The following FNDC3B variants were observed in gnomAD, a reference collection of about 807,000 sequenced individuals.
The protein encoded by FNDC3B is fibronectin type III domain-containing protein 3B.
In FNDC3B, 12 loss-of-function variants were observed where a neutral mutation model predicts 151.5. That is an observed-to-expected ratio of 0.08 (90% CI 0.05 to 0.13). FNDC3B has a LOEUF of 0.13. Ranked by LOEUF, FNDC3B falls within the 10% of genes least tolerant of loss-of-function variation. FNDC3B has a pLI of 1.00. For missense variants in FNDC3B, 1,214 were observed against 1,505.3 expected (o/e 0.81, Z 3.20); for synonymous variants, 528 against 549.0 (o/e 0.96, Z 0.54).
At chr3:172,200,164 CACTT>C (rs2108687437) in intron 3 of FNDC3B, among the ~76,000 whole-genome samples, 2 of 152,312 alleles carry the variant, frequency 1.3e-5, no homozygotes, top group African/African-American at 4.8e-5. Flanking sequence ...TACCCACACT[CACTT>C]AGACTGGACA....
intron 20 of FNDC3B, 135 bp from the exon 21 acceptor site, chr3:172,347,077 G>C: frequency 2.7e-6 from 2 of 739,852 alleles, no homozygotes; most frequent in Non-Finnish European, 4.3e-6. Context: ...ATTTGTGATC[G>C]TGCCTTTCTT....
chr3:172,196,086 A>G (rs1265642873), intron 3 of FNDC3B, among the ~76,000 whole-genome samples: 1 of 152,244 alleles, frequency 6.6e-6, no homozygotes, highest in Non-Finnish European at 1.5e-5. Context: ...TGAAAGGTTT[A>G]GGTACTTGGC....
At chr3:172,358,754 T>C (rs1734217054) in intron 22 of FNDC3B, among the ~76,000 whole-genome samples, 1 of 152,244 alleles carries the variant, frequency 6.6e-6, no homozygotes, top group Non-Finnish European at 1.5e-5. Context: ...TATTAAAAAT[T>C]GGAAAGTGCT....
intron 1 of FNDC3B, among the ~76,000 whole-genome samples, chr3:172,061,459 C>T (rs1462422995): frequency 2.6e-5 from 4 of 152,060 alleles, no homozygotes; most frequent in Non-Finnish European, 5.9e-5. Flanking sequence ...GTCTCGATCT[C>T]CTGACCTCGT....
intron 2 of FNDC3B, among the ~76,000 whole-genome samples, chr3:172,129,576 T>C (rs1720969556): frequency 6.6e-6 from 1 of 152,254 alleles, no homozygotes; most frequent in South Asian, 2.1e-4. Context: ...TTGTATTAAT[T>C]GCAACTCTTG....
At chr3:172,347,779 A>C (rs1733681576) in intron 21 of FNDC3B, among the ~76,000 whole-genome samples, 2 of 152,194 alleles carry the variant, frequency 1.3e-5, no homozygotes, top group Admixed American at 6.5e-5. Context: ...TGTTAAATGG[A>C]GCCAAAAATA....
chr3:172,054,818 C>T (rs1026344513), intron 1 of FNDC3B, among the ~76,000 whole-genome samples: 2 of 152,160 alleles, frequency 1.3e-5, no homozygotes, highest in Non-Finnish European at 1.5e-5. Flanking sequence ...GCCTTTGCCT[C>T]CTTCCAGCTT....
intron 2 of FNDC3B, among the ~76,000 whole-genome samples, chr3:172,115,080 C>T (rs1481808636): frequency 6.6e-6 from 1 of 152,222 alleles, no homozygotes; most frequent in Non-Finnish European, 1.5e-5. Context: ...TTGTCATTGC[C>T]TCTACATCAC....
At chr3:172,041,359 T>TTTTCTTTCTTTC (rs34854407) in intron 1 of FNDC3B, among the ~76,000 whole-genome samples, 7 of 149,136 alleles carry the variant, frequency 4.7e-5, no homozygotes, top group South Asian at 2.1e-4. Flanking sequence ...TTAAAAATCG[T>TTTTCTTTCTTTC]TTTCTTTCTT....
chr3:172,256,365 T>C (rs1003108793), intron 6 of FNDC3B, among the ~76,000 whole-genome samples: 2 of 152,230 alleles, frequency 1.3e-5, no homozygotes, highest in Non-Finnish European at 2.9e-5. Flanking sequence ...TTGCCTTCCT[T>C]TTCTCTTCCT....
intron 1 of FNDC3B, among the ~76,000 whole-genome samples, chr3:172,075,866 C>T (rs1176718891): frequency 6.6e-6 from 1 of 151,910 alleles, no homozygotes; most frequent in East Asian, 1.9e-4. Flanking sequence ...TAAAAGAATG[C>T]CAGTCAGTGA....
intron 3 of FNDC3B, among the ~76,000 whole-genome samples, chr3:172,135,115 A>C (rs1255168350): frequency 6.6e-6 from 1 of 152,142 alleles, no homozygotes; most frequent in Non-Finnish European, 1.5e-5. Context: ...CACCCCATTA[A>C]TTGGCTAGTA....
At chr3:172,318,838 T>C (rs1048444277) in intron 11 of FNDC3B, among the ~76,000 whole-genome samples, 2 of 152,202 alleles carry the variant, frequency 1.3e-5, no homozygotes, top group Non-Finnish European at 2.9e-5. Context: ...TTCACATGAG[T>C]GCCCACTGCC....
chr3:172,053,166 T>C (rs909507926), intron 1 of FNDC3B, among the ~76,000 whole-genome samples: 6 of 152,308 alleles, frequency 3.9e-5, no homozygotes, highest in South Asian at 2.1e-4. Context: ...CTGGAAGATA[T>C]TCTGTTTTTC....
chr3:172,186,204 C>T (rs902528767), intron 3 of FNDC3B, among the ~76,000 whole-genome samples: 11 of 152,130 alleles, frequency 7.2e-5, no homozygotes, highest in Non-Finnish European at 1.0e-4. Context: ...TGATGCTCTG[C>T]CTACTATAGT....
chr3:172,317,065 C>T (rs2108264187), intron 11 of FNDC3B: 1 of 410,606 alleles, frequency 2.4e-6, no homozygotes, highest in South Asian at 1.8e-5. Context: ...CAAACTCACT[C>T]CTGTCAAAAT....
chr3:172,382,764 G>A (rs546351768), intron 25 of FNDC3B, among the ~76,000 whole-genome samples: 1 of 152,178 alleles, frequency 6.6e-6, no homozygotes, highest in Non-Finnish European at 1.5e-5. Flanking sequence ...GTTTGTCAAA[G>A]ATCAGATGGT....
At chr3:172,328,514 A>T (rs1264879506) in intron 11 of FNDC3B, among the ~76,000 whole-genome samples, 1 of 152,212 alleles carries the variant, frequency 6.6e-6, no homozygotes, top group Non-Finnish European at 1.5e-5. Context: ...CTCAGGAGTT[A>T]CTGGGAAAGG....
At chr3:172,201,660 G>A (rs1576792960) in intron 3 of FNDC3B, among the ~76,000 whole-genome samples, 1 of 152,200 alleles carries the variant, frequency 6.6e-6, no homozygotes, top group Non-Finnish European at 1.5e-5. Context: ...GACTTAATGA[G>A]AGTCTGAGTC....
Sources: gnomAD v4.1 joint callset for allele counts (sites outside exome capture counted in the v4.1 genomes callset) on GRCh38, gnomAD v4.1.1 for gene constraint, MANE v1.5 for transcripts, NCBI Gene and HGNC (gene_info 2026-07-23, HGNC 2026-07-21) for gene names.